The following RCN1 variants were observed in gnomAD, a reference collection of about 807,000 sequenced individuals.
RCN1 encodes the protein reticulocalbin 1, also known as reticulocalbin-1.
RCN1 carries 14 observed loss-of-function variants against 34.7 expected under a neutral mutation model. That is an observed-to-expected ratio of 0.40 (90% CI 0.27 to 0.63). The LOEUF is 0.63. Ranked by LOEUF, RCN1 falls within the 30% of genes least tolerant of loss-of-function variation. The pLI is 0.37. For synonymous variants in RCN1, 125 were observed against 165.5 expected (o/e 0.76, Z 1.88); for missense variants, 326 against 425.1 (o/e 0.77, Z 2.05).
Position 32,091,240 on chromosome 11 carries a change from GGCTGCTGCTGGC to G in RCN1, c.49_60del (p.Leu17_Leu20del), listed in dbSNP as rs1421240134. ...GGCCGCCGCCTGGGGTTAGCCCTGGGGCTGCTGCTGGCGCTGGTGCTGGCGCCGCGGGTTCTG... is the reference window on the plus strand; with the variant it reads ...GGCCGCCGCCTGGGGTTAGCCCTGGGGCTGGTGCTGGCGCCGCGGGTTCTG... On this transcript the variant is annotated inframe_deletion, in exon 1 of 6. Coordinates refer to ENST00000054950, the MANE Select transcript of RCN1 (RefSeq NM_002901.4). The G allele has an allele frequency of 6.5e-7, 1 of 1,530,140 alleles. No homozygotes were observed. Among genetic ancestry groups the G allele is most frequent in the African/African-American group, 1.4e-5 (1 of 70,870 alleles). 94.8% of individuals were successfully genotyped at this position (1,530,140 alleles called of 1,614,324 possible). A position where few individuals can be genotyped will look rare whatever the true frequency, so the allele number is the denominator to read the frequency against.
intron 1 of RCN1, among the ~76,000 whole-genome samples, chr11:32,096,043 A>G (rs1378441170): frequency 6.6e-6 from 1 of 152,188 alleles, no homozygotes; most frequent in Non-Finnish European, 1.5e-5. Flanking sequence ...TTCTCTGTCA[A>G]ACTATCAAAC....
In RCN1 at chr11:32,091,477, G is replaced by A. The variant is rs534701713; in HGVS notation, c.254+27G>A. On this transcript the variant is annotated intron_variant, in intron 1 of 5. Coordinates refer to ENST00000054950, the MANE Select transcript of RCN1 (RefSeq NM_002901.4). ...TGAGGCCGCGGCCAGGGCCCCGTGGGGGGCGGCGCAGGTGTCCGAGGGCCG... is the reference window on the plus strand; with the variant it reads ...TGAGGCCGCGGCCAGGGCCCCGTGGAGGGCGGCGCAGGTGTCCGAGGGCCG... 4 of 1,536,358 alleles carry A rather than the reference G, an allele frequency of 2.6e-6. No homozygotes were observed. In the East Asian group the frequency reaches 7.6e-5, roughly 29 times the overall value.
At chr11:32,100,210 G>A (rs1406243519) in intron 3 of RCN1, among the ~76,000 whole-genome samples, 1 of 152,142 alleles carries the variant, frequency 6.6e-6, no homozygotes. Flanking sequence ...TCTCACACTG[G>A]GTTTCTCGCA....
intron 1 of RCN1, among the ~76,000 whole-genome samples, chr11:32,092,592 G>A (rs754148026): frequency 6.6e-6 from 1 of 152,062 alleles, no homozygotes; most frequent in African/African-American, 2.4e-5. Flanking sequence ...AAACTTCGGC[G>A]CATTTTAGTA....
chr11:32,103,659 A>G (rs2133478740), intron 5 of RCN1, among the ~76,000 whole-genome samples, 179 bp downstream of exon 5: 1 of 152,314 alleles, frequency 6.6e-6, no homozygotes, highest in Admixed American at 6.5e-5. Flanking sequence ...CCACAGTAAA[A>G]TTATTAGGCC....
chr11:32,093,720 C>T (rs993816772), intron 1 of RCN1, among the ~76,000 whole-genome samples: 2 of 152,162 alleles, frequency 1.3e-5, no homozygotes, highest in African/African-American at 4.8e-5. Context: ...CAGGAAGGAC[C>T]TTGGTGAGAT....
intron 3 of RCN1, among the ~76,000 whole-genome samples, chr11:32,099,314 CCTT>C (rs1393989296): frequency 5.4e-5 from 8 of 148,116 alleles, no homozygotes; most frequent in South Asian, 2.2e-4. Context: ...GGGTGAGACT[CCTT>C]CTCAAAAAAA....
rs1852071722 is a variant in RCN1 at position 32,103,459 on chromosome 11, A to T, written c.867A>T (p.Val289=). ...CACAGGCTGAGGCCAGGCATCTGGT[A>T]TATGAATCAGACAAAAACAAGGTAT... The part of the protein sequence containing the change: ...DHAQAEARHL[V]YESDKNKDEK... Residue 289 remains valine (V), a synonymous_variant, in exon 5 of 6, where the codon GTA becomes GTT. Coordinates refer to ENST00000054950, the MANE Select transcript of RCN1 (RefSeq NM_002901.4). 6.2e-7 allele frequency: 1 copy of T among 1,613,756 alleles called. No homozygotes were observed. The highest frequency in any genetic ancestry group is 1.3e-5 in the African/African-American group (1 of 74,942).
At chr11:32,101,661 G>A (rs1417799729) in intron 4 of RCN1, among the ~76,000 whole-genome samples, 1 of 152,164 alleles carries the variant, frequency 6.6e-6, no homozygotes, top group Non-Finnish European at 1.5e-5. Context: ...ATTGGTAACA[G>A]ACAAGGTAGC....
At chr11:32,096,421 G>A (rs1221835319) in intron 1 of RCN1, 3 of 152,172 alleles carry the variant, frequency 2.0e-5, no homozygotes, top group Non-Finnish European at 4.4e-5. Flanking sequence ...TGTGGAGCTG[G>A]TATAGGAGTC....
At chr11:32,101,223 T>C (rs1295159022) in intron 4 of RCN1, among the ~76,000 whole-genome samples, 1 of 150,556 alleles carries the variant, frequency 6.6e-6, no homozygotes. Flanking sequence ...GTTAGAGCCC[T>C]TCCTGGTAGC....
At chr11:32,096,881 C>G in intron 1 of RCN1, 1 of 378,152 alleles carries the variant, frequency 2.6e-6, no homozygotes, top group Non-Finnish European at 4.7e-6. Context: ...GAGAGCACCT[C>G]TAGGTTTATC....
chr11:32,102,796 A>G, intron 4 of RCN1: 1 of 328,756 alleles, frequency 3.0e-6, no homozygotes, highest in South Asian at 2.4e-5. Context: ...AACAGCACTC[A>G]CTTTGTAAGG....
intron 5 of RCN1, 100 bp downstream of exon 5, chr11:32,103,580 T>C (rs748349355): frequency 1.8e-5 from 18 of 1,012,182 alleles, no homozygotes; most frequent in Non-Finnish European, 4.6e-6. Flanking sequence ...CATGTGGCCA[T>C]GTCTTTATTG....
chr11:32,099,592 G>T (rs907649066), intron 3 of RCN1, among the ~76,000 whole-genome samples: 6 of 152,282 alleles, frequency 3.9e-5, no homozygotes, highest in African/African-American at 1.2e-4. Context: ...GTAGTGTCTT[G>T]TTGGGTCCCA....
rs1851916401 is a variant in RCN1 at position 32,091,216 on chromosome 11, G to A, written c.20G>A (p.Gly7Asp). The change falls in exon 1 of 6, where the codon GGC becomes GAC. Residue 7 changes from glycine (G) to aspartate (D), a missense_variant. By Grantham distance (94) the Gly-to-Asp change is moderately conservative. Coordinates refer to ENST00000054950, the MANE Select transcript of RCN1 (RefSeq NM_002901.4). MARGGR[G>D]RRLGLALGLL... is the part of the protein sequence containing the mutation. Reference sequence around the variant, plus strand: ...GGGACGATGGCGCGCGGTGGCCGCGGCCGCCGCCTGGGGTTAGCCCTGGGG... The same window carrying A: ...GGGACGATGGCGCGCGGTGGCCGCGACCGCCGCCTGGGGTTAGCCCTGGGG... The A allele has an allele frequency of 1.4e-6, 2 of 1,445,920 alleles. No individual in the cohort carries two copies. Among genetic ancestry groups the A allele is most frequent in the Non-Finnish European group, 9.0e-7 (1 of 1,107,278 alleles). 89.6% of individuals were successfully genotyped at this position (1,445,920 alleles called of 1,614,324 possible).
chr11:32,104,948 A>G lies in RCN1; in HGVS notation c.*476A>G, dbSNP rs1159455926. On this transcript the variant is annotated 3_prime_UTR_variant, in exon 6 of 6. Transcript: ENST00000054950. ...TCATCCTAGGTAAGCTTATTTCAGA[A>G]CAAGTCTAATATTTCAGATTCTTTC... 1 of 170,618 alleles carries G rather than the reference A, an allele frequency of 5.9e-6. No individual in the cohort carries two copies. Among genetic ancestry groups the G allele is most frequent in the Admixed American group, 6.3e-5 (1 of 15,774 alleles). The allele number at this position is 170,618 out of a possible 1,614,324, so 10.6% of individuals were successfully genotyped here.
intron 2 of RCN1, among the ~76,000 whole-genome samples, chr11:32,097,808 A>G (rs769914748): frequency 9.2e-5 from 14 of 152,200 alleles, no homozygotes; most frequent in Non-Finnish European, 1.5e-4. Flanking sequence ...GCAGCAATGC[A>G]TGCAGTAATG....
rs77650900 is a variant in RCN1 at position 32,097,023 on chromosome 11, A to G, written c.255-121A>G. 4,097 of 697,832 alleles carry G rather than the reference A, an allele frequency of 5.9e-3. 154 individuals are homozygous for G. In the African/African-American group the frequency reaches 0.064, roughly 11 times the overall value. 43.2% of individuals were successfully genotyped at this position (697,832 alleles called of 1,614,324 possible). A position where few individuals can be genotyped will look rare whatever the true frequency, so the allele number is the denominator to read the frequency against. On this transcript the variant is annotated intron_variant, in intron 1 of 5. Transcript: ENST00000054950. ...GGATCATTGATTCTGTTGTAGTTGTATGTGCATTTTGGATTGTGCAGGTGT... is the reference window on the plus strand; with the variant it reads ...GGATCATTGATTCTGTTGTAGTTGTGTGTGCATTTTGGATTGTGCAGGTGT...
Sources: allele counts gnomAD v4.1 joint callset (sites outside exome capture counted in the v4.1 genomes callset), GRCh38; gene constraint gnomAD v4.1.1; transcripts MANE v1.5; gene names NCBI Gene and HGNC (gene_info 2026-07-23, HGNC 2026-07-21).